Variants in FAR2 observed in about 807,000 individuals in gnomAD.
FAR2 encodes the protein epididymis secretory protein Li 81.
Under a neutral mutation model 56.0 loss-of-function variants are expected in FAR2, and 19 were observed. That is an observed-to-expected ratio of 0.34 (90% CI 0.24 to 0.50). The LOEUF (loss-of-function observed/expected upper bound fraction) is 0.50. Ranked by LOEUF, FAR2 falls within the 20% of genes least tolerant of loss-of-function variation. FAR2 has a pLI of 0.98. For missense variants in FAR2, 508 were observed against 642.2 expected (o/e 0.79, Z 2.26); for synonymous variants, 219 against 218.8 (o/e 1.00, Z -0.01).
Position 29,270,651 on chromosome 12 carries a change from G to A in FAR2, c.189+13G>A, listed in dbSNP as rs1290316435. 25 of 1,589,254 alleles carry A rather than the reference G, an allele frequency of 1.6e-5. No individual in the cohort carries two copies. The highest frequency in any genetic ancestry group is 1.0e-4 in the Admixed American group (6 of 58,752). ...CCTAGACAGTAAGGTATGCCTTATA[G>A]GAAAGCGTGTGTGATGGGCAATGCC... On this transcript the variant is annotated intron_variant, in intron 2 of 11. Coordinates refer to ENST00000536681, the MANE Select transcript of FAR2 (RefSeq NM_001271783.2).
At chr12:29,294,400 T>G (rs1203172666) in intron 3 of FAR2, among the ~76,000 whole-genome samples, 4 of 152,026 alleles carry the variant, frequency 2.6e-5, no homozygotes, top group Non-Finnish European at 5.9e-5. Context: ...CAAGTTGGAG[T>G]GCAATGGCAG....
At chr12:29,316,233 T>C (rs189012550) in intron 8 of FAR2, among the ~76,000 whole-genome samples, 8 of 152,196 alleles carry the variant, frequency 5.3e-5, no homozygotes, top group Non-Finnish European at 7.4e-5. Flanking sequence ...CAAATGTACA[T>C]AAAAAGTTCT....
intron 1 of FAR2, among the ~76,000 whole-genome samples, chr12:29,158,244 A>T (rs957599217): frequency 4.6e-5 from 7 of 152,234 alleles, no homozygotes; most frequent in African/African-American, 1.7e-4. Context: ...TTTGAATTGA[A>T]TATTATTTCA....
In FAR2 at chr12:29,212,576, GT is replaced by G. The variant is rs565292230; in HGVS notation, c.-38-57835del. 1.4e-3 allele frequency among the ~76,000 whole-genome samples: 220 copies of G among 152,122 alleles called. 1 individual carries two copies. The South Asian group carries it at 0.021, about 15-fold the overall frequency. On this transcript the variant is annotated intron_variant, in intron 1 of 11. Coordinates refer to ENST00000536681, the MANE Select transcript of FAR2 (RefSeq NM_001271783.2). ...ATATATAGATGACCCCCAAATTTGT[GT>G]CCAGCTTTGAATTCTTGCCAGGTCC...
Position 29,249,831 on chromosome 12 carries a change from A to T in FAR2, c.-38-20581A>T, listed in dbSNP as rs183901500. Among the ~76,000 whole-genome samples the T allele has an allele frequency of 3.9e-5, 6 of 152,286 alleles. No homozygotes were observed. In the East Asian group the frequency reaches 5.8e-4, roughly 15 times the overall value. On this transcript the variant is annotated intron_variant, in intron 1 of 11. Transcript: ENST00000536681. Reference sequence around the variant, plus strand: ...GATATATTCTAAGGTACAAGACATGATCTGGAATGAGAACAGACTCAGTCA... The same window carrying T: ...GATATATTCTAAGGTACAAGACATGTTCTGGAATGAGAACAGACTCAGTCA...
rs562108669 is a variant in FAR2, at chr12:29,263,458, G to A, written c.-38-6954G>A. Among the ~76,000 whole-genome samples the A allele has an allele frequency of 5.9e-5, 9 of 152,024 alleles. No individual in the cohort carries two copies. In the East Asian group the frequency reaches 9.7e-4, roughly 16 times the overall value. On this transcript the variant is annotated intron_variant, in intron 1 of 11. Transcript: ENST00000536681. ...GAAATAATATCAAGCATCTTCTCTGGCCACAATGGAGTAAAAGTAGAAGTC... is the reference window on the plus strand; with the variant it reads ...GAAATAATATCAAGCATCTTCTCTGACCACAATGGAGTAAAAGTAGAAGTC...
chr12:29,203,481 G>C (rs775092771), intron 1 of FAR2, among the ~76,000 whole-genome samples: 1 of 152,130 alleles, frequency 6.6e-6, no homozygotes, highest in African/African-American at 2.4e-5. Flanking sequence ...AGTGGGAATG[G>C]TCTACATACT....
intron 10 of FAR2, chr12:29,331,644 A>G (rs769653306): frequency 1.3e-5 from 2 of 152,038 alleles, no homozygotes; most frequent in Non-Finnish European, 2.9e-5. Context: ...TCTTTCTCCA[A>G]TTAGGCCCTT....
At chr12:29,301,047 T>G (rs972065283) in intron 4 of FAR2, among the ~76,000 whole-genome samples, 3 of 152,146 alleles carry the variant, frequency 2.0e-5, no homozygotes, top group Non-Finnish European at 2.9e-5. Flanking sequence ...TTTCTATCCA[T>G]CCTGTATGCT....
At chr12:29,285,883 C>T (rs11050172) in intron 2 of FAR2, among the ~76,000 whole-genome samples, 7,396 of 152,158 alleles carry the variant, frequency 0.049, 497 homozygotes, top group African/African-American at 0.15. Flanking sequence ...CACACCACTG[C>T]ACTCCAGCCT....
chr12:29,155,304 A>G (rs903587118), intron 1 of FAR2, among the ~76,000 whole-genome samples: 2 of 152,222 alleles, frequency 1.3e-5, no homozygotes, highest in African/African-American at 4.8e-5. Flanking sequence ...GTGTGACTAC[A>G]TAGGGCATCT....
chr12:29,198,299 G>T lies in FAR2; in HGVS notation c.-39+48892G>T, dbSNP rs12301160. On this transcript the variant is annotated intron_variant, in intron 1 of 11. Coordinates refer to ENST00000536681, the MANE Select transcript of FAR2 (RefSeq NM_001271783.2). Reference sequence around the variant, plus strand: ...TGGAGTGCAGCCGGGCATGATCTCTGCTCACTGCAAGCCCCACCTCCCAGG... The same window carrying T: ...TGGAGTGCAGCCGGGCATGATCTCTTCTCACTGCAAGCCCCACCTCCCAGG... Among the ~76,000 whole-genome samples the T allele has an allele frequency of 9.7e-3, 1,479 of 152,164 alleles. 19 individuals are homozygous for T. Among genetic ancestry groups the T allele is most frequent in the African/African-American group, 0.023 (958 of 41,518 alleles).
intron 1 of FAR2, among the ~76,000 whole-genome samples, chr12:29,230,625 G>A (rs568463864): frequency 6.6e-6 from 1 of 152,108 alleles, no homozygotes; most frequent in East Asian, 1.9e-4. Context: ...TACAATAATG[G>A]TTTGGACCAG....
intron 1 of FAR2, among the ~76,000 whole-genome samples, chr12:29,183,474 C>G (rs576937554): frequency 1.2e-4 from 18 of 152,192 alleles, no homozygotes; most frequent in Non-Finnish European, 5.9e-5. Context: ...TCCTTCCAAA[C>G]TAGGTTTCTT....
chr12:29,212,821 A>G (rs1030960934), intron 1 of FAR2, among the ~76,000 whole-genome samples: 1 of 152,220 alleles, frequency 6.6e-6, no homozygotes, highest in Non-Finnish European at 1.5e-5. Flanking sequence ...GCAGGAGCCA[A>G]ACTTGGGTTT....
chr12:29,275,615 G>T (rs918032303), intron 2 of FAR2, among the ~76,000 whole-genome samples: 11 of 152,098 alleles, frequency 7.2e-5, no homozygotes, highest in Non-Finnish European at 1.2e-4. Flanking sequence ...TTCGATGGGA[G>T]CCTCCAATCA....
chr12:29,243,571 T>C (rs1228395452), intron 1 of FAR2, among the ~76,000 whole-genome samples: 1 of 152,244 alleles, frequency 6.6e-6, no homozygotes, highest in African/African-American at 2.4e-5. Flanking sequence ...TTTTTCTTGA[T>C]CTCAGTGTTG....
chr12:29,248,547 G>A (rs1948162907), intron 1 of FAR2, among the ~76,000 whole-genome samples: 1 of 152,202 alleles, frequency 6.6e-6, no homozygotes. Flanking sequence ...CGAGATCACA[G>A]GACCACAGGA....
intron 10 of FAR2, among the ~76,000 whole-genome samples, chr12:29,328,424 T>C (rs1368830184): frequency 2.6e-5 from 4 of 152,188 alleles, no homozygotes; most frequent in African/African-American, 7.2e-5. Flanking sequence ...CAAAGGATTA[T>C]AAATCATGCT....
Sources: gnomAD v4.1 joint callset for allele counts (sites outside exome capture counted in the v4.1 genomes callset) on GRCh38, gnomAD v4.1.1 for gene constraint, MANE v1.5 for transcripts, NCBI Gene and HGNC (gene_info 2026-07-23, HGNC 2026-07-21) for gene names.